Variants in ARHGAP24 observed in about 807,000 individuals in gnomAD.
The protein encoded by ARHGAP24 is Rho GTPase activating protein 24.
A neutral mutation model predicts 76.4 loss-of-function variants in ARHGAP24; 50 were observed. That is an observed-to-expected ratio of 0.65 (90% CI 0.52 to 0.83). ARHGAP24 has a LOEUF of 0.83. Among genes scored for constraint, ARHGAP24 ranks in the 40% least tolerant of loss-of-function variants. The probability of loss-of-function intolerance (pLI) is 0.00; values close to 1 mark genes in which losing one functional copy is unlikely to be tolerated. For missense variants in ARHGAP24, 930 were observed against 914.2 expected, an observed-to-expected ratio of 1.02 and a Z score of -0.22; for synonymous variants, 345 against 323.3, an observed-to-expected ratio of 1.07 and a Z score of -0.72.
intron 3 of ARHGAP24, among the ~76,000 whole-genome samples, chr4:85,741,386 A>AG (rs1725821303): frequency 6.6e-6 from 1 of 152,264 alleles, no homozygotes; most frequent in South Asian, 2.1e-4. Context: ...ATAAATAAAT[A>AG]CATAAACAGG....
chr4:85,664,767 T>C (rs571262363), intron 2 of ARHGAP24, among the ~76,000 whole-genome samples: 1 of 152,110 alleles, frequency 6.6e-6, no homozygotes, highest in Non-Finnish European at 1.5e-5. Flanking sequence ...CATTTCGTTA[T>C]GTACCCAGTA....
intron 2 of ARHGAP24, among the ~76,000 whole-genome samples, chr4:85,583,809 G>T (rs1373047681): frequency 6.7e-6 from 1 of 149,150 alleles, no homozygotes; most frequent in Non-Finnish European, 1.5e-5. Flanking sequence ...CTCAAAAGAA[G>T]ACATTTATGC....
intron 2 of ARHGAP24, among the ~76,000 whole-genome samples, chr4:85,688,076 G>T (rs1723495958): frequency 6.6e-6 from 1 of 152,134 alleles, no homozygotes; most frequent in Non-Finnish European, 1.5e-5. Flanking sequence ...GCCTCCCAAA[G>T]TGCTGGAATT....
rs962858401 is a variant in ARHGAP24 at position 85,529,611 on chromosome 4, G to A, written c.-20-40911G>A. On this transcript the variant is annotated intron_variant, in intron 1 of 9. Coordinates refer to ENST00000395184, the MANE Select transcript of ARHGAP24 (RefSeq NM_001025616.3). The stretch of plus-strand genomic sequence containing the variant: ...ACTGTTGGGTATTGTAGGATGTCAA[G>A]CATCATCCTTAGCCTCTATTCACTA... 5.3e-5 allele frequency among the ~76,000 whole-genome samples: 8 copies of A among 152,044 alleles called. No individual in the cohort carries two copies. In the East Asian group the frequency reaches 1.5e-3, roughly 29 times the overall value.
chr4:85,917,554 C>T (rs2148806084), intron 3 of ARHGAP24, among the ~76,000 whole-genome samples: 1 of 152,274 alleles, frequency 6.6e-6, no homozygotes, highest in African/African-American at 2.4e-5. Flanking sequence ...TCCTATTTCT[C>T]CACATCCTCT....
chr4:85,917,699 A>G (rs1398648545), intron 3 of ARHGAP24, among the ~76,000 whole-genome samples: 1 of 152,170 alleles, frequency 6.6e-6, no homozygotes, highest in Non-Finnish European at 1.5e-5. Context: ...TTTTGGCTGC[A>G]TAAATGTCTT....
At chr4:85,791,786 T>G (rs920886766) in intron 3 of ARHGAP24, among the ~76,000 whole-genome samples, 1 of 152,194 alleles carries the variant, frequency 6.6e-6, no homozygotes, top group African/African-American at 2.4e-5. Flanking sequence ...GCAGCATAAT[T>G]TAGCCTATCT....
intron 2 of ARHGAP24, among the ~76,000 whole-genome samples, chr4:85,607,467 A>C (rs1237888865): frequency 2.0e-5 from 3 of 152,008 alleles, no homozygotes; most frequent in African/African-American, 7.3e-5. Flanking sequence ...CACTGGTATC[A>C]GGTCACCAGT....
chr4:85,570,838 T>C (rs1380826801), intron 2 of ARHGAP24, 117 bp downstream of exon 2: 12 of 1,186,106 alleles, frequency 1.0e-5, no homozygotes, highest in Non-Finnish European at 1.5e-5. Flanking sequence ...CTTCAGTTCA[T>C]TGTCATCTTT....
At chr4:85,492,972 G>A (rs1411126157) in intron 1 of ARHGAP24, among the ~76,000 whole-genome samples, 3 of 151,994 alleles carry the variant, frequency 2.0e-5, no homozygotes, top group African/African-American at 7.3e-5. Context: ...TAGTCTTTCC[G>A]TATCTTACGA....
chr4:85,753,737 G>A (rs1282354515), intron 3 of ARHGAP24, among the ~76,000 whole-genome samples: 1 of 152,062 alleles, frequency 6.6e-6, no homozygotes, highest in Admixed American at 6.5e-5. Flanking sequence ...TTCTAGAATT[G>A]TGCTTATTAA....
intron 3 of ARHGAP24, chr4:85,827,776 A>G (rs1729793100): frequency 2.0e-6 from 1 of 489,554 alleles, no homozygotes; most frequent in South Asian, 1.9e-5. Flanking sequence ...TGGGGAGCCC[A>G]CTAGTGCTGG....
chr4:85,522,456 G>A (rs1025693992), intron 1 of ARHGAP24, among the ~76,000 whole-genome samples: 3 of 152,158 alleles, frequency 2.0e-5, no homozygotes, highest in Non-Finnish European at 4.4e-5. Context: ...GGTAGTAGTT[G>A]CAGTAGGAGT....
At chr4:85,730,039 A>G (rs1725341659) in intron 3 of ARHGAP24, among the ~76,000 whole-genome samples, 1 of 152,198 alleles carries the variant, frequency 6.6e-6, no homozygotes, top group Non-Finnish European at 1.5e-5. Context: ...CATTGCCTCA[A>G]AATCATGATT....
intron 1 of ARHGAP24, among the ~76,000 whole-genome samples, chr4:85,491,702 G>A (rs1003870959): frequency 2.0e-5 from 3 of 152,112 alleles, no homozygotes; most frequent in Non-Finnish European, 4.4e-5. Context: ...TTAGCCCAAG[G>A]AGGGCTCTGG....
chr4:85,994,920 G>C lies in ARHGAP24; in HGVS notation c.1266G>C (p.Lys422Asn). 1 of 1,614,008 alleles carries C rather than the reference G, an allele frequency of 6.2e-7. No homozygotes were observed. Among genetic ancestry groups the C allele is most frequent in the Non-Finnish European group, 8.5e-7 (1 of 1,180,006 alleles). ...VSRSPPLMVK[K>N]NPAFNKGSGI... ...GAAGCCCCCCTCTCATGGTCAAAAA[G>C]AACCCAGCCTTTAATAAGGGTAGTG... The change falls in exon 9 of 10, where the codon AAG becomes AAC. Residue 422 changes from lysine (K) to asparagine (N), a missense_variant. By Grantham distance (94) the Lys-to-Asn change is moderately conservative (BLOSUM62 0). Coordinates refer to ENST00000395184, the MANE Select transcript of ARHGAP24 (RefSeq NM_001025616.3).
At chr4:85,855,772 G>GGA (rs1553935449) in intron 3 of ARHGAP24, among the ~76,000 whole-genome samples, 1 of 140,816 alleles carries the variant, frequency 7.1e-6, no homozygotes, top group Admixed American at 7.2e-5. Context: ...AAGCAAAAAA[G>GGA]AAAAAAAAAA....
At chr4:85,970,121 C>T (rs1296866159) in intron 5 of ARHGAP24, among the ~76,000 whole-genome samples, 2 of 152,114 alleles carry the variant, frequency 1.3e-5, no homozygotes, top group Non-Finnish European at 2.9e-5. Context: ...GAGGTGAAGT[C>T]CTATGGTCCA....
At chr4:85,972,221 T>A in intron 6 of ARHGAP24, 53 bp downstream of exon 6, 1 of 1,606,210 alleles carries the variant, frequency 6.2e-7, no homozygotes, top group Non-Finnish European at 8.5e-7. Flanking sequence ...TTTTTTTCTG[T>A]GTTCTTAGTC....
Sources: allele counts gnomAD v4.1 joint callset (sites outside exome capture counted in the v4.1 genomes callset), GRCh38; gene constraint gnomAD v4.1.1; transcripts MANE v1.5; gene names NCBI Gene and HGNC (gene_info 2026-07-23, HGNC 2026-07-21).